The following PAK4 variants were observed in gnomAD, a reference collection of about 807,000 sequenced individuals.
PAK4 encodes serine/threonine-protein kinase PAK 4.
Under a neutral mutation model 53.5 loss-of-function variants are expected in PAK4, and 49 were observed. The observed-to-expected ratio is 0.92, with a 90% confidence interval of 0.73 to 1.16. PAK4 has a LOEUF of 1.16. Among genes scored for constraint, PAK4 ranks in the 50% most tolerant of loss-of-function variants. The probability of loss-of-function intolerance (pLI) is 0.00; values close to 1 mark genes in which losing one functional copy is unlikely to be tolerated. For synonymous variants in PAK4, 376 were observed against 375.6 expected, an observed-to-expected ratio of 1.00 and a Z score of -0.01; for missense variants, 824 against 850.7, an observed-to-expected ratio of 0.97 and a Z score of 0.39.
chr19:39,133,289 T>C (rs561474058), intron 1 of PAK4, among the ~76,000 whole-genome samples: 1 of 152,252 alleles, frequency 6.6e-6, no homozygotes, highest in Non-Finnish European at 1.5e-5. Context: ...GCTCAAAGAC[T>C]GTTAGCTGCG....
chr19:39,142,714 G>A (rs1037058976), intron 1 of PAK4, among the ~76,000 whole-genome samples: 8 of 152,298 alleles, frequency 5.3e-5, no homozygotes, highest in Middle Eastern at 3.4e-3. Context: ...CTTCCGCATC[G>A]CGTGGTGGTG....
At chr19:39,140,494 C>T (rs1033144704) in intron 1 of PAK4, among the ~76,000 whole-genome samples, 1 of 152,182 alleles carries the variant, frequency 6.6e-6, no homozygotes, top group African/African-American at 2.4e-5. Context: ...TCTACGGTCC[C>T]GGGAGTCCTC....
chr19:39,180,949 C>G (rs2074694057), downstream of PAK4: 1 of 152,218 alleles, frequency 6.6e-6, no homozygotes, highest in South Asian at 2.1e-4. Context: ...ACAGCTAGCT[C>G]TAGGAGCTCC....
At chr19:39,126,419 C>A (rs559062608) in intron 1 of PAK4, among the ~76,000 whole-genome samples, 165 of 95,572 alleles carry the variant, frequency 1.7e-3, no homozygotes, top group Non-Finnish European at 2.5e-3. Flanking sequence ...AAAATTAAAA[C>A]CCAAGGAGGG....
At chr19:39,153,030 C>T (rs1249283391) in intron 1 of PAK4, among the ~76,000 whole-genome samples, 2 of 152,036 alleles carry the variant, frequency 1.3e-5, no homozygotes, top group African/African-American at 2.4e-5. Context: ...CCTCAGCTAC[C>T]GAGGGAGAAT....
intron 8 of PAK4, 109 bp downstream of exon 9, chr19:39,177,918 C>T (rs1193040967): frequency 9.3e-6 from 12 of 1,294,190 alleles, no homozygotes; most frequent in African/African-American, 4.5e-5. Flanking sequence ...CCTGGGATGG[C>T]GCTTACTGTG....
In PAK4 at chr19:39,173,705, C is replaced by A; in HGVS notation, c.793C>A (p.His265Asn). Residue 265 changes from histidine to asparagine, a missense_variant, in exon 4 of 9, where the codon CAC becomes AAC. By Grantham distance (68) the His-to-Asn change is moderately conservative (BLOSUM62 1). Coordinates refer to ENST00000358301, the Ensembl canonical transcript of PAK4. This position sits in a 1 kb window ranked among gnomAD's most constrained non-coding sequence, Gnocchi z 6.9. Reference sequence around the variant, plus strand: ...CCCCAGCCCTGGAGTGCTGGGACCCCACGCCTCAGAGCCCCAGCTGGCCCC... The same window carrying A: ...CCCCAGCCCTGGAGTGCTGGGACCCAACGCCTCAGAGCCCCAGCTGGCCCC... 1 of 1,583,308 alleles carries A rather than the reference C, an allele frequency of 6.3e-7. No homozygotes were observed. The highest frequency in any genetic ancestry group is 2.3e-5 in the East Asian group (1 of 43,140).
rs147590591 is a variant in PAK4, at chr19:39,142,260, C to T, written c.-23+16341C>T. Among the ~76,000 whole-genome samples the T allele has an allele frequency of 3.5e-4, 54 of 152,234 alleles. 1 individual carries two copies. The highest frequency in any genetic ancestry group is 6.0e-4 in the Non-Finnish European group (41 of 68,022). On this transcript the variant is annotated intron_variant, in intron 1 of 8. Transcript: ENST00000358301. ...GATACATCCTTGTGGTGTCATTGCA[C>T]GTGTTCTCTGTCTCTGTGCTTCCTG...
At chr19:39,157,727 G>A (rs536581683) in intron 1 of PAK4, among the ~76,000 whole-genome samples, 1 of 152,384 alleles carries the variant, frequency 6.6e-6, no homozygotes, top group South Asian at 2.1e-4. Flanking sequence ...GGGCCGCCGC[G>A]AGGTGCTCAG....
chr19:39,172,750 A>T (rs928459304), intron 2 of PAK4, among the ~76,000 whole-genome samples, 168 bp from the exon 4 acceptor site: 1 of 151,766 alleles, frequency 6.6e-6, no homozygotes, highest in Non-Finnish European at 1.5e-5. Flanking sequence ...GTCCCCAGGG[A>T]GGGGAGGGGC....
Position 39,177,347 on chromosome 19 carries a change from G to A in PAK4, c.1486-328G>A, listed in dbSNP as rs1016347236. Among the ~76,000 whole-genome samples the A allele has an allele frequency of 1.1e-4, 17 of 152,272 alleles. No homozygotes were observed. The East Asian group carries it at 3.1e-3, about 28-fold the overall frequency. ...CAGCCTGGGTCCTGTGCCTGTTTCT[G>A]AACCAATCACTGTGTCTCCACTGTG... is the stretch of plus-strand genomic sequence containing the variant. On this transcript the variant is annotated intron_variant, in intron 7 of 8. Coordinates refer to ENST00000358301, the Ensembl canonical transcript of PAK4.
chr19:39,174,048 C>G lies in PAK4; in HGVS notation c.1098+38C>G, dbSNP rs1424789511. On this transcript the variant is annotated intron_variant, in intron 4 of 8. Coordinates refer to ENST00000358301, the Ensembl canonical transcript of PAK4. ...CTGCCCTGCCGCCCTGCTGGTCCTC[C>G]CACCCCTCCCTCCCACCCTCCCTCC... 5 of 1,303,760 alleles carry G rather than the reference C, an allele frequency of 3.8e-6. No homozygotes were observed. In the South Asian group the frequency reaches 6.9e-5, roughly 18 times the overall value. 80.8% of individuals were successfully genotyped at this position (1,303,760 alleles called of 1,614,324 possible). A position where few individuals can be genotyped will look rare whatever the true frequency, so the allele number is the denominator to read the frequency against.
intron 1 of PAK4, among the ~76,000 whole-genome samples, chr19:39,133,067 G>A (rs1318237449): frequency 6.6e-6 from 1 of 152,194 alleles, no homozygotes; most frequent in Non-Finnish European, 1.5e-5. Flanking sequence ...GCTCCGTTCT[G>A]GAGCTCCTAA....
intron 1 of PAK4, among the ~76,000 whole-genome samples, chr19:39,148,835 A>G (rs1041085638): frequency 1.3e-5 from 2 of 152,096 alleles, no homozygotes; most frequent in Non-Finnish European, 2.9e-5. Context: ...TGTACAAAGT[A>G]TAAGTTTTGG....
chr19:39,177,265 G>A (rs1438557991), intron 7 of PAK4, among the ~76,000 whole-genome samples: 1 of 152,216 alleles, frequency 6.6e-6, no homozygotes, highest in African/African-American at 2.4e-5. Context: ...CCACCTATGG[G>A]CTCCTCTTTT....
At chr19:39,170,714 C>T (rs1448412425) in intron 2 of PAK4, among the ~76,000 whole-genome samples, 1 of 152,204 alleles carries the variant, frequency 6.6e-6, no homozygotes, top group Non-Finnish European at 1.5e-5. Context: ...GCCCCAAGGC[C>T]CACAAGTTGG....
At chr19:39,151,101 G>A (rs1037287316) in intron 1 of PAK4, among the ~76,000 whole-genome samples, 2 of 152,188 alleles carry the variant, frequency 1.3e-5, no homozygotes, top group African/African-American at 4.8e-5. Flanking sequence ...GCGCGACCTC[G>A]GTGAGGAGAC....
At chr19:39,157,182 T>C (rs1332657440) in intron 1 of PAK4, among the ~76,000 whole-genome samples, 3 of 151,806 alleles carry the variant, frequency 2.0e-5, no homozygotes, top group African/African-American at 4.8e-5. Flanking sequence ...CCTAGGTCCA[T>C]GGAGGTCTCC....
intron 1 of PAK4, among the ~76,000 whole-genome samples, chr19:39,167,177 TC>T (rs1422278743): frequency 6.6e-6 from 1 of 152,088 alleles, no homozygotes; most frequent in African/African-American, 2.4e-5. Context: ...ACATGGCTGA[TC>T]CTCTTCCCGT....
Sources: gnomAD v4.1 joint callset for allele counts (sites outside exome capture counted in the v4.1 genomes callset) on GRCh38, gnomAD v4.1.1 for gene constraint, Gnocchi (gnomAD v3.1) non-coding constraint, MANE v1.5 for transcripts, NCBI Gene and HGNC (gene_info 2026-07-23, HGNC 2026-07-21) for gene names.